Variants in COX6B2 observed in about 807,000 individuals in gnomAD.
COX6B2 encodes cytochrome c oxidase subunit 6B2.
In COX6B2, 12 loss-of-function variants were observed where a neutral mutation model predicts 13.7. The observed-to-expected ratio is 0.87, with a 90% CI of 0.56 to 1.41. The LOEUF is 1.41. Ranked by LOEUF, COX6B2 falls within the 40% of genes most tolerant of loss-of-function variation. The pLI, the probability that COX6B2 is intolerant of heterozygous loss-of-function variation, is 0.00. For synonymous variants in COX6B2, 56 were observed against 46.6 expected (o/e 1.20, Z -0.82); for missense variants, 130 against 118.3 (o/e 1.10, Z -0.46).
At chr19:55,351,556 G>A (rs1473872282) in intron 4 of COX6B2, 1 of 152,532 alleles carries the variant, frequency 6.6e-6, no homozygotes, top group Non-Finnish European at 1.5e-5. Flanking sequence ...ATGATGGAAG[G>A]ATTGAAGAGA....
rs1373363653 is a variant in COX6B2, at chr19:55,353,847, G to GC, written c.213+18dup. On this transcript the variant is annotated intron_variant, in intron 3 of 4. Transcript: ENST00000326529. The stretch of plus-strand genomic sequence containing the variant: ...GAGCCCTGCACACGCCTGGCCCGGC[G>GC]CCCCCTCTGCCGACTCACCCAGCTG... 1 of 1,579,468 alleles carries GC rather than the reference G, an allele frequency of 6.3e-7. No individual in the cohort carries two copies. The highest frequency in any genetic ancestry group is 1.8e-5 in the Admixed American group (1 of 54,306).
rs2089658549 is a variant in COX6B2 at position 55,349,976 on chromosome 19, A to C, written c.*939T>G. On this transcript the variant is annotated 3_prime_UTR_variant, in exon 5 of 5. Coordinates refer to ENST00000326529, the MANE Select transcript of COX6B2 (RefSeq NM_144613.5). ...AACCCCGTCTCTACTAAAAATACAA[A>C]ATAAGCTGGGCGTGGTGGTGCATGC... 6.6e-6 allele frequency: 1 copy of C among 152,010 alleles called. No individual in the cohort carries two copies. Among genetic ancestry groups the C allele is most frequent in the South Asian group, 2.1e-4 (1 of 4,820 alleles). 9.4% of individuals were successfully genotyped at this position (152,010 alleles called of 1,614,324 possible). A position where few individuals can be genotyped will look rare whatever the true frequency, so the allele number is the denominator to read the frequency against.
chr19:55,353,284 T>G, intron 4 of COX6B2: 3 of 274,432 alleles, frequency 1.1e-5, no homozygotes, highest in Non-Finnish European at 1.4e-5. Flanking sequence ...AGGTGAGAGG[T>G]AGGTGTGGTG....
chr19:55,353,488 CA>C, intron 4 of COX6B2, 118 bp downstream of exon 4: 3 of 594,126 alleles, frequency 5.0e-6, no homozygotes, highest in Non-Finnish European at 9.0e-6. Context: ...AGCAGTCCCC[CA>C]CCTGCCCCTT....
chr19:55,353,650 G>T lies in COX6B2; in HGVS notation c.*71C>A. 6.8e-7 allele frequency: 1 copy of T among 1,473,108 alleles called. No individual in the cohort carries two copies. 91.3% of individuals were successfully genotyped at this position (1,473,108 alleles called of 1,614,324 possible). On this transcript the variant is annotated 3_prime_UTR_variant, in exon 4 of 5. Coordinates refer to ENST00000326529, the MANE Select transcript of COX6B2 (RefSeq NM_144613.5). ...CACTGGGAGGTAGGGGTGGATAACC[G>T]AGACCCGGGGCTCCGCGAGACAAAA...
rs1477093517 is a variant in COX6B2, at chr19:55,353,634, G to T, written c.*87C>A. ...TTATTCGTGGCTTAGACACTGGGAGGTAGGGGTGGATAACCGAGACCCGGG... is the reference window on the plus strand; with the variant it reads ...TTATTCGTGGCTTAGACACTGGGAGTTAGGGGTGGATAACCGAGACCCGGG... On this transcript the variant is annotated 3_prime_UTR_variant, in exon 4 of 5. Transcript: ENST00000326529. The T allele has an allele frequency of 5.6e-6, 7 of 1,250,780 alleles. No homozygotes were observed. The highest frequency in any genetic ancestry group is 8.0e-6 in the Non-Finnish European group (7 of 878,168). 77.5% of individuals were successfully genotyped at this position (1,250,780 alleles called of 1,614,324 possible). A position where few individuals can be genotyped will look rare whatever the true frequency, so the allele number is the denominator to read the frequency against.
rs533923484 is a variant in COX6B2, at chr19:55,352,933, G to T, written c.*114+674C>A. On this transcript the variant is annotated intron_variant, in intron 4 of 4. Transcript: ENST00000326529. This position sits in a 1 kb window ranked among gnomAD's most constrained non-coding sequence, Gnocchi z 6.2. ...AGACTGACAGCGGCCTCTGCGGGGT[G>T]GGGGTGCGGGGTGAGCCTGATGCAT... The T allele has an allele frequency of 4.3e-4, 66 of 152,718 alleles. 1 individual carries two copies. In the South Asian group the frequency reaches 0.014, roughly 31 times the overall value. The allele number at this position is 152,718 out of a possible 1,614,324, so 9.5% of individuals were successfully genotyped here.
rs2089661661 is a variant in COX6B2, at chr19:55,350,291, T to C, written c.*624A>G. ...GCTTCTCTGGTCTCCACCCACTCGA[T>C]GCCAGGAGCATGCCTCTGCCCCAAC... On this transcript the variant is annotated 3_prime_UTR_variant, in exon 5 of 5. Coordinates refer to ENST00000326529, the MANE Select transcript of COX6B2 (RefSeq NM_144613.5). This position sits in a 1 kb window ranked among gnomAD's most constrained non-coding sequence, Gnocchi z 4.2. The C allele has an allele frequency of 6.6e-6, 1 of 152,280 alleles. No individual in the cohort carries two copies. Among genetic ancestry groups the C allele is most frequent in the South Asian group, 2.1e-4 (1 of 4,838 alleles). The allele number at this position is 152,280 out of a possible 1,614,324, so 9.4% of individuals were successfully genotyped here.
At position 55,353,732 on chromosome 19, in the gene COX6B2, C is replaced by T. The variant is rs778449941; in HGVS notation, c.256G>A (p.Gly86Ser). Reference protein sequence around the residue: ...NEQIKNGIFAGKI With the variant: ...NEQIKNGIFASKI ...CCGCGCTGGGGCAGTCAGATTTTGC[C>T]GGCGAAAATCCCGTTCTTGATCTGC... The change falls in exon 4 of 5, where the codon GGC (glycine) becomes AGC (serine). Residue 86 changes from glycine to serine, a missense_variant. By Grantham distance (56) the Gly-to-Ser change is moderately conservative. Transcript: ENST00000326529. 3.4e-5 allele frequency: 54 copies of T among 1,609,488 alleles called. No homozygotes were observed. Among genetic ancestry groups the T allele is most frequent in the Non-Finnish European group, 4.5e-5 (53 of 1,177,578 alleles).
At position 55,353,730 on chromosome 19, in the gene COX6B2, G is replaced by A. The variant is rs1282292755; in HGVS notation, c.258C>T (p.Gly86=). 3 of 1,609,808 alleles carry A rather than the reference G, an allele frequency of 1.9e-6. No homozygotes were observed. Among genetic ancestry groups the A allele is most frequent in the African/African-American group, 2.7e-5 (2 of 74,850 alleles). Residue 86 remains glycine, a synonymous_variant, in exon 4 of 5, where the codon GGC becomes GGT. Transcript: ENST00000326529. ...NEQIKNGIFA[G]KI is the part of the protein sequence containing the mutation. ...AGCCGCGCTGGGGCAGTCAGATTTTGCCGGCGAAAATCCCGTTCTTGATCT... is the reference window on the plus strand; with the variant it reads ...AGCCGCGCTGGGGCAGTCAGATTTTACCGGCGAAAATCCCGTTCTTGATCT...
chr19:55,352,165 C>T lies in COX6B2; in HGVS notation c.*115-1365G>A, dbSNP rs139495207. 3 of 152,310 alleles carry T rather than the reference C, an allele frequency of 2.0e-5. No individual in the cohort carries two copies. The highest frequency in any genetic ancestry group is 7.2e-5 in the African/African-American group (3 of 41,506). 9.4% of individuals were successfully genotyped at this position (152,310 alleles called of 1,614,324 possible). A position where few individuals can be genotyped will look rare whatever the true frequency, so the allele number is the denominator to read the frequency against. ...GGTTCTGCCAGCGCCTCTGTGCATT[C>T]GTCAAGGCTCTGGGGACGTTGCATG... On this transcript the variant is annotated intron_variant, in intron 4 of 4. Transcript: ENST00000326529. This position sits in a 1 kb window ranked among gnomAD's most constrained non-coding sequence, Gnocchi z 6.2.
rs779222457 is a variant in COX6B2 at position 55,353,724 on chromosome 19, G to C, written c.264C>G (p.Ile88Met). Residue 88 changes from isoleucine (I) to methionine (M), a missense_variant, in exon 4 of 5, where the codon ATC (isoleucine) becomes ATG (methionine). Ile to Met is a conservative substitution (Grantham distance 10). Transcript: ENST00000326529. ...QIKNGIFAGK[I>M] Reference sequence around the variant, plus strand: ...AGAGGAAGCCGCGCTGGGGCAGTCAGATTTTGCCGGCGAAAATCCCGTTCT... The same window carrying C: ...AGAGGAAGCCGCGCTGGGGCAGTCACATTTTGCCGGCGAAAATCCCGTTCT... 1 of 1,609,650 alleles carries C rather than the reference G, an allele frequency of 6.2e-7. No homozygotes were observed. Among genetic ancestry groups the C allele is most frequent in the African/African-American group, 1.3e-5 (1 of 74,868 alleles).
Position 55,354,572 on chromosome 19 carries a change from G to A in COX6B2, c.-18-33C>T, listed in dbSNP as rs748743386. 4 of 1,349,828 alleles carry A rather than the reference G, an allele frequency of 3.0e-6. No homozygotes were observed. In the African/African-American group the frequency reaches 5.8e-5, roughly 19 times the overall value. The allele number at this position is 1,349,828 out of a possible 1,614,324, so 83.6% of individuals were successfully genotyped here. ...ACGGGACGGGACGGGGACTCCGTGG[G>A]GCCGAGGGGGCGCCCTCGCTCCGAC... is the stretch of plus-strand genomic sequence containing the variant. On this transcript the variant is annotated intron_variant, in intron 1 of 4. Coordinates refer to ENST00000326529, the MANE Select transcript of COX6B2 (RefSeq NM_144613.5).
intron 4 of COX6B2, chr19:55,353,361 G>C (rs1250164340): frequency 1.5e-5 from 6 of 391,506 alleles, no homozygotes; most frequent in Non-Finnish European, 2.9e-5. Flanking sequence ...ACCCTGGGCT[G>C]GCTCGTAGCT....
intron 2 of COX6B2, chr19:55,354,208 G>A: frequency 3.2e-6 from 2 of 632,386 alleles, no homozygotes; most frequent in Non-Finnish European, 5.6e-6. Context: ...GCACCTTCCA[G>A]ATCAGGCCTC....
chr19:55,354,634 C>G lies in COX6B2; in HGVS notation c.-19+16G>C. Reference sequence around the variant, plus strand: ...TCCTGACCCCCGCCCCTGAACCCCACCCGTCGTGCCCTCACCAGCCTGACG... The same window carrying G: ...TCCTGACCCCCGCCCCTGAACCCCAGCCGTCGTGCCCTCACCAGCCTGACG... On this transcript the variant is annotated intron_variant, in intron 1 of 4. Coordinates refer to ENST00000326529, the MANE Select transcript of COX6B2 (RefSeq NM_144613.5). The G allele has an allele frequency of 1.4e-6, 1 of 718,340 alleles. No individual in the cohort carries two copies. Among genetic ancestry groups the G allele is most frequent in the South Asian group, 1.7e-5 (1 of 57,984 alleles). The allele number at this position is 718,340 out of a possible 1,614,324, so 44.5% of individuals were successfully genotyped here.
intron 4 of COX6B2, chr19:55,353,355 T>G: frequency 2.6e-6 from 1 of 381,716 alleles, no homozygotes; most frequent in Non-Finnish European, 4.9e-6. Context: ...CTGGGGACCC[T>G]GGGCTGGCTC....
chr19:55,351,501 C>G (rs961067680), intron 4 of COX6B2, among the ~76,000 whole-genome samples: 3 of 151,560 alleles, frequency 2.0e-5, no homozygotes, highest in African/African-American at 7.3e-5. Context: ...GCCGGGAGGA[C>G]GGAGCAGGTT....
intron 3 of COX6B2, 46 bp from the exon 4 acceptor site, chr19:55,353,820 C>A: frequency 6.3e-7 from 1 of 1,592,300 alleles, no homozygotes; most frequent in Admixed American, 1.8e-5. Context: ...TCAGCCTCGG[C>A]CGAGCCCTGC....
Sources: gnomAD v4.1 joint callset for allele counts (sites outside exome capture counted in the v4.1 genomes callset) on GRCh38, gnomAD v4.1.1 for gene constraint, Gnocchi (gnomAD v3.1) non-coding constraint, MANE v1.5 for transcripts, NCBI Gene and HGNC (gene_info 2026-07-23, HGNC 2026-07-21) for gene names.